NKD1: variants seen among roughly 807,000 people sequenced by gnomAD.
NKD1 encodes protein naked cuticle homolog 1.
Under a neutral mutation model 56.0 loss-of-function variants are expected in NKD1, and 21 were observed. The observed-to-expected ratio is 0.38, with a 90% confidence interval of 0.27 to 0.54. The LOEUF (loss-of-function observed/expected upper bound fraction) is 0.54. Among genes scored for constraint, NKD1 ranks in the 20% least tolerant of loss-of-function variants. The probability of loss-of-function intolerance (pLI) is 0.82; values close to 1 mark genes in which losing one functional copy is unlikely to be tolerated. For synonymous variants in NKD1, 263 were observed against 265.7 expected, an observed-to-expected ratio of 0.99 and a Z score of 0.10; for missense variants, 578 against 642.7, an observed-to-expected ratio of 0.90 and a Z score of 1.09.
At chr16:50,584,670 C>A (rs1961190107) in intron 3 of NKD1, among the ~76,000 whole-genome samples, 1 of 152,164 alleles carries the variant, frequency 6.6e-6, no homozygotes, top group South Asian at 2.1e-4. Context: ...TAAATGTTAG[C>A]AATTATTAAA....
intron 7 of NKD1, 138 bp downstream of exon 7, chr16:50,630,471 T>A: frequency 1.3e-6 from 1 of 784,884 alleles, no homozygotes; most frequent in Non-Finnish European, 2.0e-6. Flanking sequence ...TTCAAATGGG[T>A]CCTTGAAAGG....
chr16:50,633,045 T>C lies in NKD1; in HGVS notation c.824-147T>C, dbSNP rs979781749. On this transcript the variant is annotated intron_variant, in intron 9 of 9. Transcript: ENST00000268459. The surrounding 1 kb of genome is among the most constrained non-coding windows in gnomAD (Gnocchi z 4.9). ...GATGGGAAAGTTCCATTTCAGAGAG[T>C]TTTCCTGCAAGGCAGTGAGGGGCAG... The C allele has an allele frequency of 3.1e-6, 2 of 648,948 alleles. No individual in the cohort carries two copies. Among genetic ancestry groups the C allele is most frequent in the Non-Finnish European group, 5.0e-6 (2 of 403,996 alleles). 40.2% of individuals were successfully genotyped at this position (648,948 alleles called of 1,614,324 possible). A position where few individuals can be genotyped will look rare whatever the true frequency, so the allele number is the denominator to read the frequency against.
rs1044236951 is a variant in NKD1 at position 50,645,573 on chromosome 16, G to C, written c.*11792G>C. 6.6e-6 allele frequency: 1 copy of C among 152,194 alleles called. No individual in the cohort carries two copies. The highest frequency in any genetic ancestry group is 6.5e-5 in the Admixed American group (1 of 15,278). The allele number at this position is 152,194 out of a possible 1,614,324, so 9.4% of individuals were successfully genotyped here. A position where few individuals can be genotyped will look rare whatever the true frequency, so the allele number is the denominator to read the frequency against. Reference sequence around the variant, plus strand: ...CCCCAAGAGACACATCAGGAAGCTAGGTGGTCAGTCGGGAGAGAGAGGATG... The same window carrying C: ...CCCCAAGAGACACATCAGGAAGCTACGTGGTCAGTCGGGAGAGAGAGGATG... On this transcript the variant is annotated 3_prime_UTR_variant, in exon 10 of 10. Transcript: ENST00000268459.
chr16:50,575,411 A>G (rs1201637875), intron 3 of NKD1: 1 of 905,726 alleles, frequency 1.1e-6, no homozygotes, highest in Admixed American at 6.2e-5. Context: ...GGGGAGAAAG[A>G]ACAAATGGGG....
chr16:50,611,223 C>T (rs1034646835), intron 4 of NKD1, among the ~76,000 whole-genome samples: 3 of 152,222 alleles, frequency 2.0e-5, no homozygotes, highest in Non-Finnish European at 4.4e-5. Flanking sequence ...TCCCCCCTGC[C>T]TCTCACCTGG....
At chr16:50,611,370 G>GC (rs1961843446) in intron 4 of NKD1, among the ~76,000 whole-genome samples, 2 of 152,168 alleles carry the variant, frequency 1.3e-5, no homozygotes, top group African/African-American at 2.4e-5. Context: ...CTGCTCTGCA[G>GC]CTTCCCTAAA....
chr16:50,592,832 A>G (rs1248538777), intron 3 of NKD1, among the ~76,000 whole-genome samples: 1 of 152,052 alleles, frequency 6.6e-6, no homozygotes, highest in Non-Finnish European at 1.5e-5. Flanking sequence ...CTAGTGCAGA[A>G]GCGGGTGGAG....
chr16:50,626,803 G>A (rs1346453691), intron 6 of NKD1, among the ~76,000 whole-genome samples: 1 of 152,182 alleles, frequency 6.6e-6, no homozygotes, highest in Non-Finnish European at 1.5e-5. Context: ...ACCTGTTATA[G>A]ATCTGAGGTT....
intron 6 of NKD1, among the ~76,000 whole-genome samples, chr16:50,626,416 A>AGGGTCC (rs1389040664): frequency 6.6e-6 from 1 of 152,118 alleles, no homozygotes; most frequent in African/African-American, 2.4e-5. Flanking sequence ...GACTGGCTGG[A>AGGGTCC]AGGTCCAGGG....
intron 3 of NKD1, among the ~76,000 whole-genome samples, chr16:50,589,216 A>C (rs1567342256): frequency 6.6e-6 from 1 of 152,076 alleles, no homozygotes; most frequent in Non-Finnish European, 1.5e-5. Context: ...CCTGTTCTTT[A>C]GACTAAGTTC....
At chr16:50,574,340 G>T (rs1363828758) in intron 3 of NKD1, 2 of 985,304 alleles carry the variant, frequency 2.0e-6, no homozygotes, top group Non-Finnish European at 2.4e-6. Flanking sequence ...GAGGTGTCCT[G>T]GGAGGGCCTG....
intron 3 of NKD1, among the ~76,000 whole-genome samples, chr16:50,593,904 G>A (rs1044922228): frequency 1.2e-4 from 18 of 152,166 alleles, no homozygotes; most frequent in African/African-American, 4.3e-4. Context: ...AAATCAAAGT[G>A]TTCCCAGAAG....
intron 4 of NKD1, among the ~76,000 whole-genome samples, chr16:50,617,164 C>T (rs927248569): frequency 7.2e-5 from 11 of 152,174 alleles, no homozygotes; most frequent in Non-Finnish European, 1.2e-4. Flanking sequence ...TCACAGCATG[C>T]GGTCCCCAAG....
At chr16:50,578,774 G>A (rs952798049) in intron 3 of NKD1, among the ~76,000 whole-genome samples, 2 of 152,132 alleles carry the variant, frequency 1.3e-5, no homozygotes, top group African/African-American at 4.8e-5. Context: ...GGCTGGCCTG[G>A]ATGCAAGACC....
chr16:50,608,136 C>T, intron 3 of NKD1, 158 bp from the exon 4 acceptor site: 2 of 673,580 alleles, frequency 3.0e-6, no homozygotes, highest in Non-Finnish European at 5.5e-6. Flanking sequence ...GAGGGACCCA[C>T]CTTGGCACTT....
chr16:50,568,728 C>A (rs1960818276), intron 3 of NKD1, among the ~76,000 whole-genome samples: 1 of 152,064 alleles, frequency 6.6e-6, no homozygotes, highest in African/African-American at 2.4e-5. Flanking sequence ...CAGTCAGCAC[C>A]TCTGTACATG....
chr16:50,604,397 G>T (rs1961661086), intron 3 of NKD1, among the ~76,000 whole-genome samples: 1 of 152,202 alleles, frequency 6.6e-6, no homozygotes, highest in African/African-American at 2.4e-5. Context: ...AGGGCACCTG[G>T]GGTCTGGCGA....
chr16:50,562,986 A>ACCCCCCCCCCCCCC (rs1307651263), intron 3 of NKD1, among the ~76,000 whole-genome samples: 1 of 60,410 alleles, frequency 1.7e-5, no homozygotes, highest in African/African-American at 9.4e-5. Flanking sequence ...TCCCACCACC[A>ACCCCCCCCCCCCCC]CCCCCCCCCC....
chr16:50,572,589 C>T (rs532447016), intron 3 of NKD1, among the ~76,000 whole-genome samples: 8 of 152,234 alleles, frequency 5.3e-5, no homozygotes, highest in Non-Finnish European at 1.0e-4. Context: ...GTCTTTTGTG[C>T]TCTAACTCAG....
Sources: gnomAD v4.1 joint callset for allele counts (sites outside exome capture counted in the v4.1 genomes callset) on GRCh38, gnomAD v4.1.1 for gene constraint, Gnocchi (gnomAD v3.1) non-coding constraint, MANE v1.5 for transcripts, NCBI Gene and HGNC (gene_info 2026-07-23, HGNC 2026-07-21) for gene names.